PAX5: variants seen among roughly 807,000 people sequenced by gnomAD.
The protein encoded by PAX5 is paired box protein Pax-5.
A neutral mutation model predicts 43.7 loss-of-function variants in PAX5; 9 were observed. The observed-to-expected ratio is 0.21, with a 90% confidence interval of 0.12 to 0.36. PAX5 has a LOEUF of 0.36. Among genes scored for constraint, PAX5 ranks in the 10% least tolerant of loss-of-function variants. The pLI, the probability that PAX5 is intolerant of heterozygous loss-of-function variation, is 1.00. For missense variants in PAX5, 383 were observed against 532.7 expected, an observed-to-expected ratio of 0.72 and a Z score of 2.77; for synonymous variants, 228 against 214.3, an observed-to-expected ratio of 1.06 and a Z score of -0.56.
intron 8 of PAX5, among the ~76,000 whole-genome samples, chr9:36,853,545 G>A (rs1823362510): frequency 6.6e-6 from 1 of 152,186 alleles, no homozygotes; most frequent in Non-Finnish European, 1.5e-5. Flanking sequence ...TTTCTCCAAA[G>A]CCATTACACA....
intron 5 of PAX5, among the ~76,000 whole-genome samples, chr9:36,999,141 T>C (rs1488170133): frequency 6.6e-6 from 1 of 152,186 alleles, no homozygotes; most frequent in Non-Finnish European, 1.5e-5. Context: ...TTCGAAAGCC[T>C]CCGTCAAAGT....
chr9:36,924,958 C>G (rs527615341), intron 6 of PAX5, among the ~76,000 whole-genome samples: 1 of 151,588 alleles, frequency 6.6e-6, no homozygotes, highest in Admixed American at 6.6e-5. Flanking sequence ...GAGGACACAC[C>G]CATGTTGGTC....
At chr9:36,889,076 C>T (rs991974298) in intron 7 of PAX5, among the ~76,000 whole-genome samples, 1 of 152,184 alleles carries the variant, frequency 6.6e-6, no homozygotes, top group African/African-American at 2.4e-5. Context: ...AACATGTCTG[C>T]AAATTCTTTG....
At chr9:37,033,916 C>G (rs1841264188) in intron 1 of PAX5, 70 bp downstream of exon 1, 1 of 1,471,882 alleles carries the variant, frequency 6.8e-7, no homozygotes, top group Admixed American at 1.7e-5. Flanking sequence ...TCCAGGGTCA[C>G]CCTGCGTGGG....
intron 6 of PAX5, among the ~76,000 whole-genome samples, chr9:36,931,559 A>AAAAACAT (rs1261468173): frequency 2.6e-5 from 4 of 152,124 alleles, no homozygotes; most frequent in African/African-American, 9.7e-5. Flanking sequence ...ACAAAAAACA[A>AAAAACAT]AAAACATGGC....
rs1270915702 is a variant in PAX5 at position 36,846,893 on chromosome 9, T to A, written c.1049A>T (p.Gln350Leu). ...CCAGGAGTCGTTGTACGAGGAATAC[T>A]GAGGGTGGCTGTAGGGACTCCCGGA... ...EFSGSPYSHP[Q>L]YSSYNDSWRF... Residue 350 changes from glutamine (Q) to leucine (L), a missense_variant, in exon 9 of 10, where the codon CAG (glutamine) becomes CTG (leucine). Physicochemically the swap from Gln to Leu is moderately radical, Grantham distance 113. Transcript: ENST00000358127. The A allele has an allele frequency of 6.2e-7, 1 of 1,614,126 alleles. No individual in the cohort carries two copies. The highest frequency in any genetic ancestry group is 1.1e-5 in the South Asian group (1 of 91,082).
chr9:36,966,474 T>C (rs1039422672), intron 6 of PAX5, 75 bp downstream of exon 6: 8 of 1,514,400 alleles, frequency 5.3e-6, no homozygotes, highest in Admixed American at 1.8e-5. Context: ...CCCCGCCAGA[T>C]GCCTCTGCCT....
chr9:36,869,826 GAATA>G (rs1825252463), intron 8 of PAX5, among the ~76,000 whole-genome samples: 2 of 150,514 alleles, frequency 1.3e-5, no homozygotes, highest in Non-Finnish European at 3.0e-5. Context: ...ATGGATGGAT[GAATA>G]GATGGATGGA....
Position 36,964,380 on chromosome 9 carries a change from G to A in PAX5, c.780+2169C>T, listed in dbSNP as rs376400069. On this transcript the variant is annotated intron_variant, in intron 6 of 9. Transcript: ENST00000358127. ...AAGGAGGGTGGATCACCTGAGGTCC[G>A]GAGTCCAAGACTAAGCCTGGCCAAC... Among the ~76,000 whole-genome samples the A allele has an allele frequency of 2.4e-4, 37 of 151,756 alleles. 1 individual carries two copies. In the South Asian group the frequency reaches 6.7e-3, roughly 27 times the overall value.
At chr9:36,910,853 C>T (rs73453279) in intron 7 of PAX5, among the ~76,000 whole-genome samples, 2,508 of 152,246 alleles carry the variant, frequency 0.016, 73 homozygotes, top group African/African-American at 0.058. Context: ...CAAGAGCCCT[C>T]GAAGCCTGAT....
chr9:36,959,376 T>C (rs777658728), intron 6 of PAX5, among the ~76,000 whole-genome samples: 10 of 152,236 alleles, frequency 6.6e-5, no homozygotes, highest in Non-Finnish European at 1.3e-4. Context: ...GTCAGAAAGC[T>C]TGGGCTATTA....
At chr9:37,019,048 T>G (rs1175551691) in intron 2 of PAX5, among the ~76,000 whole-genome samples, 2 of 152,140 alleles carry the variant, frequency 1.3e-5, no homozygotes, top group African/African-American at 4.8e-5. Context: ...CTCGGTACAA[T>G]GAAGAGGCTC....
intron 5 of PAX5, among the ~76,000 whole-genome samples, chr9:36,968,816 G>C (rs889970959): frequency 2.0e-5 from 3 of 152,158 alleles, no homozygotes; most frequent in Non-Finnish European, 2.9e-5. Context: ...TAGACTAGCA[G>C]GTATGGGAGC....
At chr9:36,970,345 G>C (rs1011062056) in intron 5 of PAX5, among the ~76,000 whole-genome samples, 1 of 152,052 alleles carries the variant, frequency 6.6e-6, no homozygotes, top group African/African-American at 2.4e-5. Context: ...CTGAGAGAAG[G>C]GGGTGAAAGG....
At chr9:36,920,407 A>T (rs1162980332) in intron 7 of PAX5, among the ~76,000 whole-genome samples, 1 of 152,186 alleles carries the variant, frequency 6.6e-6, no homozygotes, top group Non-Finnish European at 1.5e-5. Context: ...TTCAGCAACC[A>T]CCGTCCTGAT....
intron 9 of PAX5, among the ~76,000 whole-genome samples, chr9:36,842,720 G>A (rs1402882191): frequency 6.6e-6 from 1 of 152,076 alleles, no homozygotes; most frequent in Non-Finnish European, 1.5e-5. Flanking sequence ...CTTCACATCG[G>A]CCACAGGCAC....
intron 6 of PAX5, among the ~76,000 whole-genome samples, chr9:36,928,594 G>A (rs551016080): frequency 1.3e-5 from 2 of 152,232 alleles, no homozygotes; most frequent in South Asian, 2.1e-4. Flanking sequence ...AGCATGTTAT[G>A]AGCTACAACA....
At chr9:36,892,622 G>A (rs572343106) in intron 7 of PAX5, among the ~76,000 whole-genome samples, 58 of 152,292 alleles carry the variant, frequency 3.8e-4, no homozygotes, top group African/African-American at 1.3e-3. Flanking sequence ...AATACAAAAT[G>A]CACGCTCCCC....
chr9:36,846,644 G>A (rs1049259216), intron 9 of PAX5, among the ~76,000 whole-genome samples, 199 bp downstream of exon 9: 10 of 152,188 alleles, frequency 6.6e-5, no homozygotes, highest in Non-Finnish European at 1.2e-4. Flanking sequence ...GGGGGAGGGA[G>A]GAGGGCATGA....
Sources: gnomAD v4.1 joint callset for allele counts (sites outside exome capture counted in the v4.1 genomes callset) on GRCh38, gnomAD v4.1.1 for gene constraint, MANE v1.5 for transcripts, NCBI Gene and HGNC (gene_info 2026-07-23, HGNC 2026-07-21) for gene names.